The following RBFOX1 variants were observed in gnomAD, a reference collection of about 807,000 sequenced individuals.
RBFOX1 encodes RNA binding protein fox-1 homolog 1.
Under a neutral mutation model 57.7 loss-of-function variants are expected in RBFOX1, and 8 were observed. That is an observed-to-expected ratio of 0.14 (90% confidence interval 0.08 to 0.25). RBFOX1 has a LOEUF of 0.25. Ranked by LOEUF, RBFOX1 falls within the 10% of genes least tolerant of loss-of-function variation. RBFOX1 has a pLI of 1.00. For missense variants in RBFOX1, 611 were observed against 548.5 expected (o/e 1.11, Z -1.14); for synonymous variants, 326 against 222.4 (o/e 1.47, Z -4.15).
At chr16:6,273,340 GTTTTTTTTTTTT>G (rs544640090) in intron 1 of RBFOX1, among the ~76,000 whole-genome samples, 3 of 89,882 alleles carry the variant, frequency 3.3e-5, no homozygotes, top group East Asian at 3.6e-4. Context: ...GTTGTTGTTG[GTTTTTTTTTTTT>G]TTTTTTTTTT....
At chr16:7,157,669 C>T (rs57219229) in intron 4 of RBFOX1, among the ~76,000 whole-genome samples, 1 of 152,128 alleles carries the variant, frequency 6.6e-6, no homozygotes, top group African/African-American at 2.4e-5. Context: ...GACAGTATCT[C>T]TACACGCCAT....
intron 4 of RBFOX1, among the ~76,000 whole-genome samples, chr16:7,226,809 G>A (rs1278364309): frequency 1.3e-5 from 2 of 152,166 alleles, no homozygotes; most frequent in African/African-American, 4.8e-5. Flanking sequence ...AAATAAGTCA[G>A]TGAGCAAATT....
chr16:6,200,242 C>T (rs1055303796), intron 1 of RBFOX1, among the ~76,000 whole-genome samples: 4 of 152,270 alleles, frequency 2.6e-5, no homozygotes, highest in Admixed American at 6.5e-5. Context: ...CAAGAACAGC[C>T]GGGATTCTCC....
At chr16:6,977,102 C>A (rs8051761) in intron 3 of RBFOX1, among the ~76,000 whole-genome samples, 2 of 137,322 alleles carry the variant, frequency 1.5e-5, no homozygotes, top group Non-Finnish European at 3.1e-5. Context: ...ATATATATAT[C>A]ATATATATGA....
At chr16:7,029,951 G>C (rs2042363497) in intron 3 of RBFOX1, among the ~76,000 whole-genome samples, 1 of 152,204 alleles carries the variant, frequency 6.6e-6, no homozygotes, top group African/African-American at 2.4e-5. Context: ...GTAGACACAT[G>C]ATGTGTGAAT....
intron 3 of RBFOX1, among the ~76,000 whole-genome samples, chr16:6,987,410 C>G (rs1599261678): frequency 6.6e-6 from 1 of 151,496 alleles, no homozygotes; most frequent in Non-Finnish European, 1.5e-5. Flanking sequence ...CAGGTTATCT[C>G]CCGAGCCACT....
intron 3 of RBFOX1, among the ~76,000 whole-genome samples, chr16:5,808,947 C>G (rs1300133994): frequency 1.3e-5 from 2 of 152,120 alleles, no homozygotes; most frequent in African/African-American, 4.8e-5. Context: ...CCACAACTTC[C>G]AACACTATGT....
intron 1 of RBFOX1, among the ~76,000 whole-genome samples, chr16:6,120,767 C>G (rs1009309518): frequency 6.6e-6 from 1 of 152,166 alleles, no homozygotes; most frequent in Admixed American, 6.5e-5. Flanking sequence ...CAGATCTGTC[C>G]CTGCGTTTCT....
At chr16:7,316,442 G>T (rs1262172166) in intron 4 of RBFOX1, among the ~76,000 whole-genome samples, 2 of 152,172 alleles carry the variant, frequency 1.3e-5, no homozygotes. Flanking sequence ...TTATTTCTCT[G>T]AAGTCAATGG....
intron 4 of RBFOX1, among the ~76,000 whole-genome samples, chr16:7,214,454 T>C (rs554615779): frequency 6.6e-6 from 1 of 152,154 alleles, no homozygotes; most frequent in South Asian, 2.1e-4. Flanking sequence ...TCACCGTGTC[T>C]TGCCATGCCT....
At chr16:6,578,612 T>TGTGTGG (rs373655762) in intron 2 of RBFOX1, among the ~76,000 whole-genome samples, 17 of 147,004 alleles carry the variant, frequency 1.2e-4, no homozygotes, top group Non-Finnish European at 2.0e-4. Flanking sequence ...TGTGTGTGTG[T>TGTGTGG]GAGCATGGGA....
intron 1 of RBFOX1, among the ~76,000 whole-genome samples, chr16:6,054,476 T>A (rs1235046152): frequency 1.3e-5 from 2 of 152,190 alleles, no homozygotes; most frequent in East Asian, 1.9e-4. Context: ...ACAGACTAAC[T>A]CCGGCTTTGA....
intron 3 of RBFOX1, among the ~76,000 whole-genome samples, chr16:6,893,552 G>C (rs2066028834): frequency 6.6e-6 from 1 of 152,058 alleles, no homozygotes; most frequent in African/African-American, 2.4e-5. Context: ...ATCAAACCAA[G>C]TCCATGAGCC....
intron 4 of RBFOX1, among the ~76,000 whole-genome samples, chr16:7,210,422 C>G (rs191497648): frequency 1.2e-3 from 186 of 152,166 alleles, no homozygotes; most frequent in African/African-American, 4.1e-3. Context: ...AGGCCTTTTT[C>G]CAATTGCACT....
chr16:7,372,048 A>G (rs535199188), intron 4 of RBFOX1, among the ~76,000 whole-genome samples: 2 of 152,232 alleles, frequency 1.3e-5, no homozygotes, highest in South Asian at 4.1e-4. Context: ...AAACATATAT[A>G]TGGGCCCTGA....
intron 1 of RBFOX1, among the ~76,000 whole-genome samples, chr16:6,224,700 C>A (rs1423487178): frequency 2.6e-5 from 4 of 152,080 alleles, no homozygotes; most frequent in Admixed American, 2.0e-4. Flanking sequence ...ACAGAAGCAA[C>A]AATCAGATGG....
chr16:6,362,833 C>A (rs1291592454), intron 2 of RBFOX1, among the ~76,000 whole-genome samples: 1 of 152,142 alleles, frequency 6.6e-6, no homozygotes, highest in Non-Finnish European at 1.5e-5. Flanking sequence ...CCTTCACCCT[C>A]GAATTCGAGG....
intron 1 of RBFOX1, among the ~76,000 whole-genome samples, chr16:5,336,919 C>A (rs1240848486): frequency 2.0e-5 from 3 of 152,194 alleles, no homozygotes; most frequent in Non-Finnish European, 2.9e-5. Context: ...ACAAGAGCTA[C>A]CTTCTATTCT....
chr16:5,390,740 A>G (rs1421477484), intron 1 of RBFOX1, among the ~76,000 whole-genome samples: 1 of 152,146 alleles, frequency 6.6e-6, no homozygotes, highest in Non-Finnish European at 1.5e-5. Context: ...ATCAGTTCAC[A>G]TTATTCCCTG....
Sources: allele counts gnomAD v4.1 joint callset (sites outside exome capture counted in the v4.1 genomes callset), GRCh38; gene constraint gnomAD v4.1.1; transcripts MANE v1.5; gene names NCBI Gene and HGNC (gene_info 2026-07-23, HGNC 2026-07-21).